STARD13: variants seen among roughly 807,000 people sequenced by gnomAD.
STARD13 encodes StAR related lipid transfer domain containing 13, also known as stAR-related lipid transfer protein 13.
A neutral mutation model predicts 106.4 loss-of-function variants in STARD13; 62 were observed. The observed-to-expected ratio is 0.58, with a 90% CI of 0.48 to 0.72. The LOEUF (loss-of-function observed/expected upper bound fraction) is 0.72. Ranked by LOEUF, STARD13 falls within the 30% of genes least tolerant of loss-of-function variation. The pLI is 0.00. For synonymous variants in STARD13, 565 were observed against 553.0 expected, an observed-to-expected ratio of 1.02 and a Z score of -0.31; for missense variants, 1,387 against 1,424.0, an observed-to-expected ratio of 0.97 and a Z score of 0.42.
intron 1 of STARD13, among the ~76,000 whole-genome samples, chr13:33,169,005 CT>C (rs1445299835): frequency 6.6e-6 from 1 of 152,212 alleles, no homozygotes; most frequent in East Asian, 1.9e-4. Context: ...ATCCCCTAAT[CT>C]ACTGTTACTC....
At chr13:33,388,696 T>G in the STARD13 span, among the ~76,000 whole-genome samples, 26 of 152,196 alleles carry the variant, frequency 1.7e-4, no homozygotes, top group African/African-American at 6.0e-4. Flanking sequence ...CACAAGCCTA[T>G]GGACCTGAAA....
At chr13:33,194,402 TA>T (rs995685278) in intron 1 of STARD13, among the ~76,000 whole-genome samples, 2 of 152,134 alleles carry the variant, frequency 1.3e-5, no homozygotes, top group African/African-American at 4.8e-5. Flanking sequence ...ATGTTTTCAT[TA>T]AAAAAATATT....
At chr13:33,191,378 C>T (rs1304896318) in intron 1 of STARD13, among the ~76,000 whole-genome samples, 2 of 152,156 alleles carry the variant, frequency 1.3e-5, no homozygotes, top group East Asian at 1.9e-4. Flanking sequence ...ATCTTCTCAC[C>T]AGTAAAATGA....
chr13:33,434,173 C>T, the STARD13 span, among the ~76,000 whole-genome samples: 3 of 151,768 alleles, frequency 2.0e-5, no homozygotes, highest in South Asian at 2.1e-4. Context: ...GCCAACATGG[C>T]GAAACCCCAT....
intron 3 of STARD13, among the ~76,000 whole-genome samples, chr13:33,163,286 A>C (rs1269568013): frequency 1.3e-5 from 2 of 151,960 alleles, no homozygotes; most frequent in African/African-American, 4.8e-5. Context: ...GCCAAACCAT[A>C]TCAATAATGT....
intron 1 of STARD13, among the ~76,000 whole-genome samples, chr13:33,241,208 A>G (rs1363006811): frequency 6.6e-6 from 1 of 152,226 alleles, no homozygotes; most frequent in Non-Finnish European, 1.5e-5. Context: ...TTAAGTGTCA[A>G]AACAGACCTC....
At chr13:33,391,339 A>T in the STARD13 span, among the ~76,000 whole-genome samples, 1,853 of 152,274 alleles carry the variant, frequency 0.012, 60 homozygotes, top group African/African-American at 0.042. Flanking sequence ...TACCAAAATC[A>T]TGGCTGATTG....
the STARD13 span, among the ~76,000 whole-genome samples, chr13:33,392,015 C>T: frequency 2.0e-5 from 3 of 152,148 alleles, no homozygotes; most frequent in East Asian, 1.9e-4. Context: ...GATTCTGTGG[C>T]GTAAATTCTT....
the STARD13 span, among the ~76,000 whole-genome samples, chr13:33,382,835 G>A: frequency 4.6e-5 from 7 of 152,102 alleles, no homozygotes; most frequent in Non-Finnish European, 7.4e-5. Flanking sequence ...GTATTCCTAT[G>A]ATTTAGCTAT....
intron 1 of STARD13, among the ~76,000 whole-genome samples, chr13:33,277,042 G>A (rs2138381159): frequency 2.1e-5 from 1 of 47,954 alleles, no homozygotes; most frequent in Admixed American, 3.3e-4. Flanking sequence ...TAGATCCTAA[G>A]CTTCTGAAAA....
chr13:33,390,065 T>C, the STARD13 span, among the ~76,000 whole-genome samples: 1 of 152,134 alleles, frequency 6.6e-6, no homozygotes, highest in African/African-American at 2.4e-5. Context: ...CATACCGTCA[T>C]TGGTGCCTGT....
At chr13:33,134,498 T>C (rs1878796156) in intron 4 of STARD13, among the ~76,000 whole-genome samples, 1 of 152,228 alleles carries the variant, frequency 6.6e-6, no homozygotes, top group Non-Finnish European at 1.5e-5. Flanking sequence ...AAGGTTATGA[T>C]CATTTTAAGA....
At chr13:33,368,511 C>G in the STARD13 span, among the ~76,000 whole-genome samples, 1 of 152,146 alleles carries the variant, frequency 6.6e-6, no homozygotes, top group Non-Finnish European at 1.5e-5. Context: ...TTCCTCCTTT[C>G]TGTTTTTAGC....
chr13:33,413,275 A>C, the STARD13 span, among the ~76,000 whole-genome samples: 1 of 152,112 alleles, frequency 6.6e-6, no homozygotes, highest in Non-Finnish European at 1.5e-5. Flanking sequence ...GCCATGAGGG[A>C]AACTTGTAAC....
In STARD13 at chr13:33,268,561, C is replaced by T. The variant is rs149317699; in HGVS notation, c.169+16909G>A. Among the ~76,000 whole-genome samples, 393 of 152,272 alleles carry T rather than the reference C, an allele frequency of 2.6e-3. 4 individuals carry two copies. The highest frequency in any genetic ancestry group is 8.7e-3 in the African/African-American group (362 of 41,554). ...AAGATGTTGTTATTATTATTATTCC[C>T]ATTTTAGACGAGGAAATAGGCTTAT... is the stretch of plus-strand genomic sequence containing the variant. On this transcript the variant is annotated intron_variant, in intron 1 of 13. Transcript: ENST00000336934.
At chr13:33,485,644 A>C in the STARD13 span, among the ~76,000 whole-genome samples, 1 of 152,186 alleles carries the variant, frequency 6.6e-6, no homozygotes, top group Admixed American at 6.5e-5. Flanking sequence ...TCCCATTATC[A>C]CTTGAAATTG....
the STARD13 span, chr13:33,520,124 CAG>C: frequency 6.6e-6 from 1 of 152,092 alleles, no homozygotes; most frequent in Admixed American, 6.6e-5. Context: ...CCATTCAAGA[CAG>C]AGGAAACATG....
the STARD13 span, among the ~76,000 whole-genome samples, chr13:33,590,476 T>G: frequency 6.6e-6 from 1 of 151,488 alleles, no homozygotes; most frequent in Non-Finnish European, 1.5e-5. Context: ...TAGACTGGAT[T>G]AAGAAAATGT....
the STARD13 span, among the ~76,000 whole-genome samples, chr13:33,507,506 T>G: frequency 6.6e-6 from 1 of 152,178 alleles, no homozygotes; most frequent in Admixed American, 6.6e-5. Context: ...TAATACATTT[T>G]AAGGGTTAAA....
Sources: gnomAD v4.1 joint callset for allele counts (sites outside exome capture counted in the v4.1 genomes callset) on GRCh38, gnomAD v4.1.1 for gene constraint, MANE v1.5 for transcripts, NCBI Gene and HGNC (gene_info 2026-07-23, HGNC 2026-07-21) for gene names.